The following HYCC1 variants were observed in gnomAD, a reference collection of about 807,000 sequenced individuals.
HYCC1 encodes the protein hyccin.
At chr7:22,947,097 T>C in the HYCC1 span, 24 of 1,550,570 alleles carry the variant, frequency 1.5e-5, 1 homozygote, top group East Asian at 3.7e-4. Flanking sequence ...GGCTGTTTCC[T>C]GCACACCCTG....
chr7:22,994,928 T>C, the HYCC1 span, among the ~76,000 whole-genome samples: 1 of 152,122 alleles, frequency 6.6e-6, no homozygotes, highest in Non-Finnish European at 1.5e-5. Flanking sequence ...CCATCTCCCA[T>C]CCCATCCTAA....
the HYCC1 span, chr7:22,946,997 A>G: frequency 1.9e-6 from 3 of 1,549,560 alleles, no homozygotes; most frequent in South Asian, 1.2e-5. Context: ...GCACTCTGCC[A>G]GGTGAGTTTA....
chr7:22,947,517 T>C, the HYCC1 span, among the ~76,000 whole-genome samples: 1 of 152,128 alleles, frequency 6.6e-6, no homozygotes, highest in Admixed American at 6.6e-5. Flanking sequence ...TCACATGGAA[T>C]ATGAAAGATA....
chr7:22,937,880 A>G, the HYCC1 span: 1 of 152,232 alleles, frequency 6.6e-6, no homozygotes, highest in Admixed American at 6.5e-5. Context: ...TCTTCAGCAG[A>G]ACACTAAGAA....
At chr7:22,972,048 G>C in the HYCC1 span, among the ~76,000 whole-genome samples, 1 of 152,110 alleles carries the variant, frequency 6.6e-6, no homozygotes, top group Non-Finnish European at 1.5e-5. Context: ...ATATGCTCTA[G>C]AATTGTTGAT....
chr7:22,919,310 C>A, the HYCC1 span, among the ~76,000 whole-genome samples: 1 of 152,338 alleles, frequency 6.6e-6, no homozygotes, highest in East Asian at 1.9e-4. Context: ...AGGGGGATCA[C>A]CTGAAGTTGA....
the HYCC1 span, among the ~76,000 whole-genome samples, chr7:22,982,813 G>A: frequency 1.3e-5 from 2 of 150,406 alleles, no homozygotes; most frequent in East Asian, 3.9e-4. Flanking sequence ...TGGAATTTGA[G>A]GCCCACCATG....
the HYCC1 span, among the ~76,000 whole-genome samples, chr7:22,918,513 ATTTTG>A: frequency 6.6e-6 from 1 of 151,786 alleles, no homozygotes; most frequent in Admixed American, 6.6e-5. Flanking sequence ...CTTCAACACT[ATTTTG>A]TTTTATTTTT....
the HYCC1 span, among the ~76,000 whole-genome samples, chr7:22,928,510 G>GA: frequency 8.1e-4 from 123 of 152,192 alleles, 1 homozygote; most frequent in Middle Eastern, 3.4e-3. Context: ...AAATCAATGT[G>GA]AAAAAATCAT....
chr7:22,982,254 T>C, the HYCC1 span, among the ~76,000 whole-genome samples: 3 of 152,210 alleles, frequency 2.0e-5, no homozygotes, highest in African/African-American at 7.2e-5. Flanking sequence ...GTGCATTCTA[T>C]ACAAGTTAAG....
At chr7:22,948,548 G>A in the HYCC1 span, among the ~76,000 whole-genome samples, 1 of 151,958 alleles carries the variant, frequency 6.6e-6, no homozygotes, top group South Asian at 2.1e-4. Context: ...ACAAAGTCTG[G>A]GAACCACTGC....
the HYCC1 span, among the ~76,000 whole-genome samples, chr7:22,983,170 AAC>A: frequency 6.6e-6 from 1 of 151,932 alleles, no homozygotes; most frequent in Non-Finnish European, 1.5e-5. Flanking sequence ...CTCCACCAAA[AAC>A]ACAAAAATTG....
chr7:22,963,460 G>A, the HYCC1 span, among the ~76,000 whole-genome samples: 1 of 151,778 alleles, frequency 6.6e-6, no homozygotes, highest in Admixed American at 6.6e-5. Context: ...TCTAGTCAAG[G>A]AAAAAAATCC....
At chr7:22,964,629 T>A in the HYCC1 span, 1 of 699,264 alleles carries the variant, frequency 1.4e-6, no homozygotes, top group Non-Finnish European at 2.6e-6. Context: ...TACACTTTCA[T>A]AACAAACCTA....
chr7:23,005,300 A>T, the HYCC1 span, among the ~76,000 whole-genome samples: 1 of 152,228 alleles, frequency 6.6e-6, no homozygotes, highest in African/African-American at 2.4e-5. Context: ...CTCAACTGTG[A>T]ATGATAGATA....
the HYCC1 span, among the ~76,000 whole-genome samples, chr7:22,961,024 C>A: frequency 6.6e-6 from 1 of 152,162 alleles, no homozygotes; most frequent in South Asian, 2.1e-4. Context: ...GCACTCCAGC[C>A]TGGGCAACAA....
the HYCC1 span, among the ~76,000 whole-genome samples, chr7:22,983,219 T>C: frequency 2.0e-5 from 3 of 151,602 alleles, no homozygotes; most frequent in South Asian, 2.1e-4. Flanking sequence ...GTACCAGCTA[T>C]TGGGGGTGCT....
the HYCC1 span, chr7:22,940,427 T>C: frequency 6.6e-6 from 1 of 152,074 alleles, no homozygotes; most frequent in East Asian, 1.9e-4. Context: ...AATTTTTGTA[T>C]TTTTAGTAGA....
At chr7:22,922,732 T>C in the HYCC1 span, among the ~76,000 whole-genome samples, 1 of 152,146 alleles carries the variant, frequency 6.6e-6, no homozygotes, top group African/African-American at 2.4e-5. Context: ...AGATATGTCA[T>C]GCAAACAGCA....
Sources: allele counts gnomAD v4.1 joint callset (sites outside exome capture counted in the v4.1 genomes callset), GRCh38; gene constraint gnomAD v4.1.1; transcripts MANE v1.5; gene names NCBI Gene and HGNC (gene_info 2026-07-23, HGNC 2026-07-21).